AFF3: variants seen among roughly 807,000 people sequenced by gnomAD.
AFF3 encodes the protein AF4/FMR2 family member 3.
A neutral mutation model predicts 129.7 loss-of-function variants in AFF3; 32 were observed. The observed-to-expected ratio is 0.25, with a 90% CI of 0.19 to 0.33. The LOEUF is 0.33. Ranked by LOEUF, AFF3 falls within the 10% of genes least tolerant of loss-of-function variation. AFF3 has a pLI of 1.00. For missense variants in AFF3, 1,373 were observed against 1,592.0 expected (o/e 0.86, Z 2.34); for synonymous variants, 644 against 635.4 (o/e 1.01, Z -0.20).
chr2:100,137,890 T>C (rs1450189843), intron 1 of AFF3, among the ~76,000 whole-genome samples: 1 of 152,182 alleles, frequency 6.6e-6, no homozygotes, highest in Non-Finnish European at 1.5e-5. Flanking sequence ...TCCAGATAAC[T>C]GCTCAGGTCT....
At chr2:99,891,946 C>T (rs912950432) in intron 7 of AFF3, among the ~76,000 whole-genome samples, 2 of 152,172 alleles carry the variant, frequency 1.3e-5, no homozygotes, top group East Asian at 1.9e-4. Flanking sequence ...CCTCAGTCTC[C>T]GGAGTAGCTG....
intron 13 of AFF3, among the ~76,000 whole-genome samples, chr2:99,644,989 C>G (rs17022829): frequency 0.12 from 17,808 of 152,200 alleles, 1,129 homozygotes; most frequent in East Asian, 0.16. Flanking sequence ...GAGACGAATT[C>G]TGTCCCTTTG....
At chr2:99,981,227 A>G (rs377175422) in intron 7 of AFF3, among the ~76,000 whole-genome samples, 138 of 152,134 alleles carry the variant, frequency 9.1e-4, no homozygotes, top group South Asian at 3.7e-3. Context: ...CATGTTGGGG[A>G]GGCTGGTCTT....
intron 7 of AFF3, among the ~76,000 whole-genome samples, chr2:99,879,801 T>G (rs1020398019): frequency 1.3e-5 from 2 of 152,220 alleles, no homozygotes; most frequent in Admixed American, 6.5e-5. Context: ...TTGAGTATTT[T>G]ATGTCCTTTT....
intron 7 of AFF3, among the ~76,000 whole-genome samples, chr2:99,908,675 G>A (rs1231198028): frequency 6.6e-6 from 1 of 152,112 alleles, no homozygotes; most frequent in African/African-American, 2.4e-5. Flanking sequence ...GATATAAACA[G>A]ACACTTCTCA....
At chr2:99,695,763 G>A (rs1676155170) in intron 11 of AFF3, among the ~76,000 whole-genome samples, 1 of 151,996 alleles carries the variant, frequency 6.6e-6, no homozygotes. Flanking sequence ...CATTTGTAAT[G>A]TATAATTCTG....
chr2:99,633,810 C>T (rs1422269017), intron 13 of AFF3, among the ~76,000 whole-genome samples: 3 of 151,986 alleles, frequency 2.0e-5, no homozygotes, highest in East Asian at 3.9e-4. Context: ...TGTTTGGATG[C>T]AGCACAGAAG....
At chr2:100,031,419 G>C (rs1018274200) in intron 4 of AFF3, among the ~76,000 whole-genome samples, 1 of 152,160 alleles carries the variant, frequency 6.6e-6, no homozygotes, top group Non-Finnish European at 1.5e-5. Context: ...TATAGATATA[G>C]AGGGTTACAT....
intron 4 of AFF3, among the ~76,000 whole-genome samples, chr2:100,039,138 C>T (rs1685216439): frequency 6.6e-6 from 1 of 152,028 alleles, no homozygotes; most frequent in African/African-American, 2.4e-5. Flanking sequence ...AGTGAAATAC[C>T]AACTTCACTA....
At chr2:99,596,878 C>T (rs1377922792) in intron 14 of AFF3, among the ~76,000 whole-genome samples, 1 of 152,196 alleles carries the variant, frequency 6.6e-6, no homozygotes, top group East Asian at 1.9e-4. Flanking sequence ...TTCAACACAT[C>T]ACTAAATCAT....
At chr2:99,946,071 A>T (rs1283332388) in intron 7 of AFF3, among the ~76,000 whole-genome samples, 1 of 152,232 alleles carries the variant, frequency 6.6e-6, no homozygotes, top group East Asian at 1.9e-4. Context: ...GAAATTCAAG[A>T]AACATGTATC....
intron 13 of AFF3, among the ~76,000 whole-genome samples, chr2:99,636,038 T>G (rs900500642): frequency 6.6e-6 from 1 of 152,180 alleles, no homozygotes; most frequent in East Asian, 1.9e-4. Context: ...TTCCATTAAA[T>G]AGTTTAGTGG....
chr2:99,784,682 G>T (rs1175538824), intron 8 of AFF3, among the ~76,000 whole-genome samples: 1 of 152,164 alleles, frequency 6.6e-6, no homozygotes, highest in South Asian at 2.1e-4. Flanking sequence ...CAGGCATTTC[G>T]CTGCAAGAGC....
At chr2:100,021,790 G>C (rs1322777033) in intron 4 of AFF3, among the ~76,000 whole-genome samples, 1 of 152,162 alleles carries the variant, frequency 6.6e-6, no homozygotes, top group Non-Finnish European at 1.5e-5. Flanking sequence ...AATTTAAACA[G>C]TTTGCAAAAG....
intron 7 of AFF3, among the ~76,000 whole-genome samples, chr2:99,910,134 C>T (rs1695013298): frequency 6.6e-6 from 1 of 152,164 alleles, no homozygotes; most frequent in Non-Finnish European, 1.5e-5. Context: ...TACTACAATG[C>T]TATCCCCTGC....
At chr2:99,672,432 C>T in intron 12 of AFF3, 106 bp downstream of exon 12, 3 of 1,013,922 alleles carry the variant, frequency 3.0e-6, no homozygotes, top group South Asian at 1.5e-5. Flanking sequence ...AAAAGACCAG[C>T]AGCCTGGAGT....
chr2:99,600,929 CAAAGA>C (rs1469210880), intron 14 of AFF3, among the ~76,000 whole-genome samples: 1 of 152,092 alleles, frequency 6.6e-6, no homozygotes, highest in Non-Finnish European at 1.5e-5. Flanking sequence ...TCTATTTTCA[CAAAGA>C]AAACACAGTT....
At chr2:99,831,285 A>G (rs1350271671) in intron 8 of AFF3, among the ~76,000 whole-genome samples, 1 of 152,260 alleles carries the variant, frequency 6.6e-6, no homozygotes, top group Non-Finnish European at 1.5e-5. Context: ...TACAATAACT[A>G]TAAAAGTAAT....
chr2:100,001,223 T>C lies in AFF3; in HGVS notation c.873+5409A>G, dbSNP rs960036257. Reference sequence around the variant, plus strand: ...CCACGCTTTCTGGTCAGTGGTAGTTTCCCACCCTTGAGGCTAGAAAACTTG... The same window carrying C: ...CCACGCTTTCTGGTCAGTGGTAGTTCCCCACCCTTGAGGCTAGAAAACTTG... On this transcript the variant is annotated intron_variant, in intron 7 of 24. Coordinates refer to ENST00000672756, the MANE Select transcript of AFF3 (RefSeq NM_001386135.1). Among the ~76,000 whole-genome samples, 257 of 152,276 alleles carry C rather than the reference T, an allele frequency of 1.7e-3. 3 individuals are homozygous for C. Among genetic ancestry groups the C allele is most frequent in the Non-Finnish European group, 4.6e-4 (31 of 68,020 alleles).
Sources: allele counts gnomAD v4.1 joint callset (sites outside exome capture counted in the v4.1 genomes callset), GRCh38; gene constraint gnomAD v4.1.1; transcripts MANE v1.5; gene names NCBI Gene and HGNC (gene_info 2026-07-23, HGNC 2026-07-21).